LRRTM4: variants seen among roughly 807,000 people sequenced by gnomAD.
LRRTM4 encodes leucine rich repeat transmembrane neuronal 4.
LRRTM4 carries 25 observed loss-of-function variants against 47.6 expected under a neutral mutation model. That is an observed-to-expected ratio of 0.53 (90% CI 0.38 to 0.73). The LOEUF (loss-of-function observed/expected upper bound fraction) is 0.73, where lower values mean the gene tolerates loss of function less well. Ranked by LOEUF, LRRTM4 falls within the 30% of genes least tolerant of loss-of-function variation. The pLI is 0.00. For synonymous variants in LRRTM4, 311 were observed against 269.5 expected (o/e 1.15, Z -1.51); for missense variants, 638 against 713.4 (o/e 0.89, Z 1.20).
At chr2:77,477,619 G>A (rs890161143) in intron 3 of LRRTM4, among the ~76,000 whole-genome samples, 1 of 151,926 alleles carries the variant, frequency 6.6e-6, no homozygotes, top group African/African-American at 2.4e-5. Flanking sequence ...GAGGTGGACG[G>A]ATGACCTGAG....
At chr2:76,806,957 A>C (rs1675999741) in intron 3 of LRRTM4, among the ~76,000 whole-genome samples, 1 of 152,200 alleles carries the variant, frequency 6.6e-6, no homozygotes, top group Non-Finnish European at 1.5e-5. Context: ...TCACTGGCAG[A>C]CAGAGAAATA....
intron 3 of LRRTM4, among the ~76,000 whole-genome samples, chr2:77,448,446 G>GCAGTTTTGT (rs1251153602): frequency 6.6e-6 from 1 of 152,102 alleles, no homozygotes; most frequent in Non-Finnish European, 1.5e-5. Flanking sequence ...GATACAGTTT[G>GCAGTTTTGT]CAGTTTTGTA....
chr2:77,206,339 CA>C (rs1428284265), intron 3 of LRRTM4, among the ~76,000 whole-genome samples: 2 of 151,634 alleles, frequency 1.3e-5, no homozygotes, highest in African/African-American at 4.8e-5. Context: ...CCACCAAGTC[CA>C]GCTAATTTTT....
intron 3 of LRRTM4, among the ~76,000 whole-genome samples, chr2:77,308,074 C>G (rs953259054): frequency 1.4e-5 from 2 of 138,650 alleles, no homozygotes; most frequent in African/African-American, 5.3e-5. Context: ...ATCTATATAA[C>G]ATATATAGAT....
At chr2:76,886,546 T>G (rs1394697931) in intron 3 of LRRTM4, among the ~76,000 whole-genome samples, 1 of 152,046 alleles carries the variant, frequency 6.6e-6, no homozygotes, top group African/African-American at 2.4e-5. Flanking sequence ...AAAAAAGAGA[T>G]ATATATTTAC....
intron 3 of LRRTM4, among the ~76,000 whole-genome samples, chr2:76,934,135 GA>G (rs1188989848): frequency 6.6e-6 from 1 of 152,106 alleles, no homozygotes; most frequent in East Asian, 1.9e-4. Flanking sequence ...AAAATCTCAT[GA>G]GAATTTAAAT....
At chr2:76,912,997 T>C (rs1674122974) in intron 3 of LRRTM4, among the ~76,000 whole-genome samples, 2 of 152,204 alleles carry the variant, frequency 1.3e-5, no homozygotes, top group South Asian at 2.1e-4. Context: ...TTCTTTATAG[T>C]AGGGTGAGAA....
intron 3 of LRRTM4, among the ~76,000 whole-genome samples, chr2:76,897,311 C>T (rs571857623): frequency 1.3e-5 from 2 of 152,122 alleles, no homozygotes; most frequent in African/African-American, 4.8e-5. Context: ...TCATATACAC[C>T]TGTGACATCT....
intron 3 of LRRTM4, among the ~76,000 whole-genome samples, chr2:77,114,034 G>A (rs188828659): frequency 3.3e-5 from 5 of 152,198 alleles, no homozygotes; most frequent in African/African-American, 7.2e-5. Context: ...TCATCAGGTG[G>A]GGGAGGAGTA....
chr2:77,297,474 A>G (rs998941206), intron 3 of LRRTM4, among the ~76,000 whole-genome samples: 3 of 152,194 alleles, frequency 2.0e-5, no homozygotes, highest in Admixed American at 1.3e-4. Flanking sequence ...AGTTAGAGGA[A>G]AGACAGAAGT....
chr2:77,317,716 G>T (rs1360406620), intron 3 of LRRTM4, among the ~76,000 whole-genome samples: 1 of 152,090 alleles, frequency 6.6e-6, no homozygotes, highest in African/African-American at 2.4e-5. Context: ...ATGGTAAGGG[G>T]CTGGAAGTTA....
intron 3 of LRRTM4, among the ~76,000 whole-genome samples, chr2:77,223,395 A>C (rs541723071): frequency 6.6e-6 from 1 of 152,306 alleles, no homozygotes; most frequent in South Asian, 2.1e-4. Flanking sequence ...AAGGCATTCA[A>C]TTAGGAAAAG....
chr2:76,849,939 T>C (rs912912142), intron 3 of LRRTM4, among the ~76,000 whole-genome samples: 5 of 152,154 alleles, frequency 3.3e-5, no homozygotes, highest in Admixed American at 1.3e-4. Flanking sequence ...TGGTAGTTGA[T>C]TGGTGGAGTG....
At chr2:77,050,536 A>G (rs1428573221) in intron 3 of LRRTM4, among the ~76,000 whole-genome samples, 2 of 152,192 alleles carry the variant, frequency 1.3e-5, no homozygotes, top group African/African-American at 2.4e-5. Context: ...GACAATAAAG[A>G]TAAGATATCA....
intron 3 of LRRTM4, among the ~76,000 whole-genome samples, chr2:77,240,121 A>C (rs1483527717): frequency 6.6e-6 from 1 of 151,928 alleles, no homozygotes; most frequent in African/African-American, 2.4e-5. Context: ...ACTAGTCAAT[A>C]ACAGAAAACT....
chr2:76,816,221 T>C (rs1670891908), intron 3 of LRRTM4, among the ~76,000 whole-genome samples: 1 of 152,010 alleles, frequency 6.6e-6, no homozygotes, highest in Non-Finnish European at 1.5e-5. Flanking sequence ...AAGCAAGAAG[T>C]GTTTTAGTAT....
chr2:76,759,034 T>TA, intron 3 of LRRTM4, among the ~76,000 whole-genome samples: 1 of 152,316 alleles, frequency 6.6e-6, no homozygotes, highest in East Asian at 1.9e-4. Context: ...TATTTTCATT[T>TA]GATTTTTTTG....
At chr2:77,036,055 A>G (rs957533538) in intron 3 of LRRTM4, among the ~76,000 whole-genome samples, 5 of 151,884 alleles carry the variant, frequency 3.3e-5, no homozygotes, top group African/African-American at 7.2e-5. Flanking sequence ...ATGTTACTAC[A>G]TAAAAGCTAA....
intron 3 of LRRTM4, chr2:77,009,555 T>A (rs1232890469): frequency 6.6e-6 from 1 of 152,130 alleles, no homozygotes; most frequent in African/African-American, 2.4e-5. Flanking sequence ...TCCTTCACAC[T>A]TGCTGATAAG....
Sources: gnomAD v4.1 joint callset for allele counts (sites outside exome capture counted in the v4.1 genomes callset) on GRCh38, gnomAD v4.1.1 for gene constraint, MANE v1.5 for transcripts, NCBI Gene and HGNC (gene_info 2026-07-23, HGNC 2026-07-21) for gene names.